Variants in DNAH17 observed in about 807,000 individuals in gnomAD.
The protein encoded by DNAH17 is axonemal beta dynein heavy chain 17.
DNAH17 carries 376 observed loss-of-function variants against 485.6 expected under a neutral mutation model. That is an observed-to-expected ratio of 0.77 (90% confidence interval 0.71 to 0.84). The LOEUF is 0.84. DNAH17 is among the 40% of genes least tolerant of loss of function. DNAH17 has a pLI of 0.00. For missense variants in DNAH17, 6,370 were observed against 5,839.3 expected, an observed-to-expected ratio of 1.09 and a Z score of -2.96; for synonymous variants, 3,031 against 2,405.9, an observed-to-expected ratio of 1.26 and a Z score of -7.60.
At chr17:78,502,400 G>A (rs1472540614) in intron 33 of DNAH17, 191 bp downstream of exon 33, 2 of 514,648 alleles carry the variant, frequency 3.9e-6, no homozygotes, top group East Asian at 6.7e-5. Context: ...TTACTCGTGG[G>A]GAGAGGTGCC....
At chr17:78,446,632 ATT>A (rs869168759) in intron 69 of DNAH17, among the ~76,000 whole-genome samples, 3 of 103,228 alleles carry the variant, frequency 2.9e-5, no homozygotes, top group African/African-American at 2.4e-4. Context: ...TTTTAAATTT[ATT>A]TTATTATTTA....
chr17:78,522,854 CTTTCT>C (rs1469656411), intron 25 of DNAH17: 1 of 155,270 alleles, frequency 6.4e-6, no homozygotes, highest in South Asian at 1.5e-4. Flanking sequence ...TTTCCTTTTT[CTTTCT>C]TTTTTTTTTT....
In DNAH17 at chr17:78,527,002, G is replaced by A. The variant is rs1158071878; in HGVS notation, c.3508-6C>T. On this transcript the variant is annotated splice_region_variant and splice_polypyrimidine_tract_variant and intron_variant, in intron 22 of 80. Transcript: ENST00000389840. The stretch of plus-strand genomic sequence containing the variant: ...GCCCAGTGCTCCGGCAGCTCCTGCG[G>A]GAAGCAAAGGCAGAGGAGGGCTCCT... 1.3e-6 allele frequency: 2 copies of A among 1,562,540 alleles called. No individual in the cohort carries two copies.
intron 25 of DNAH17, among the ~76,000 whole-genome samples, chr17:78,521,360 C>T (rs527341127): frequency 5.9e-5 from 9 of 152,096 alleles, no homozygotes; most frequent in East Asian, 5.8e-4. Flanking sequence ...GAGCCAAGAT[C>T]GCACCACAGC....
At chr17:78,484,739 A>ACCCCCCTCCCCCC in intron 48 of DNAH17, 129 bp downstream of exon 48, 1 of 347,798 alleles carries the variant, frequency 2.9e-6, no homozygotes. Flanking sequence ...ACGTTGCAGC[A>ACCCCCCTCCCCCC]CCCCCCCCAC....
Position 78,423,880 on chromosome 17 carries a change from A to G in DNAH17, c.*26T>C. On this transcript the variant is annotated 3_prime_UTR_variant, in exon 81 of 81. Coordinates refer to ENST00000389840, the MANE Select transcript of DNAH17 (RefSeq NM_173628.4). Reference sequence around the variant, plus strand: ...GCTGAGTTGTGGTCCAGCCCCAGGGAGTGTGGGCTGTGAGGCAGGAGCGAG... The same window carrying G: ...GCTGAGTTGTGGTCCAGCCCCAGGGGGTGTGGGCTGTGAGGCAGGAGCGAG... The G allele has an allele frequency of 6.2e-7, 1 of 1,612,564 alleles. No homozygotes were observed. The highest frequency in any genetic ancestry group is 1.7e-5 in the Admixed American group (1 of 60,006).
At position 78,525,709 on chromosome 17, in the gene DNAH17, G is replaced by C. The variant is rs1354664475; in HGVS notation, c.3712-548C>G. Among the ~76,000 whole-genome samples, 9 of 152,330 alleles carry C rather than the reference G, an allele frequency of 5.9e-5. No individual in the cohort carries two copies. In the East Asian group the frequency reaches 1.4e-3, roughly 23 times the overall value. Reference sequence around the variant, plus strand: ...GGACACGCAGGGACTGCCTGCTCTGGTCACCAGCTGGAGCTCCACAGCTCC... The same window carrying C: ...GGACACGCAGGGACTGCCTGCTCTGCTCACCAGCTGGAGCTCCACAGCTCC... On this transcript the variant is annotated intron_variant, in intron 24 of 80. Coordinates refer to ENST00000389840, the MANE Select transcript of DNAH17 (RefSeq NM_173628.4).
intron 14 of DNAH17, among the ~76,000 whole-genome samples, chr17:78,555,545 A>C (rs73999125): frequency 4.4e-5 from 5 of 113,546 alleles, no homozygotes; most frequent in African/African-American, 1.5e-4. Context: ...TTCCGTCACA[A>C]AAAAAAAAAA....
intron 13 of DNAH17, 58 bp from the exon 14 acceptor site, chr17:78,558,312 T>C: frequency 6.3e-7 from 1 of 1,579,482 alleles, no homozygotes; most frequent in Non-Finnish European, 8.6e-7. Context: ...CAGTGCAGTG[T>C]TCAAGCAACA....
rs4969139 is a variant in DNAH17, at chr17:78,501,018, T to C, written c.5483+166A>G. On this transcript the variant is annotated intron_variant, in intron 35 of 80. Coordinates refer to ENST00000389840, the MANE Select transcript of DNAH17 (RefSeq NM_173628.4). ...TCTCCCAAGGCCACACAGCCGGTGC[T>C]AGAACAAGGACACAGTGGTAGAACT... is the stretch of plus-strand genomic sequence containing the variant. 0.26 allele frequency: 195,547 copies of C among 762,222 alleles called. 26,003 individuals are homozygous for C. Among genetic ancestry groups the C allele is most frequent in the South Asian group, 0.34 (10,938 of 32,124 alleles). The allele number at this position is 762,222 out of a possible 1,614,324, so 47.2% of individuals were successfully genotyped here.
At chr17:78,507,919 T>C in intron 27 of DNAH17, 114 bp from the exon 28 acceptor site, 1 of 1,015,600 alleles carries the variant, frequency 9.8e-7, no homozygotes, top group Non-Finnish European at 1.4e-6. Flanking sequence ...GCAAAAAGGC[T>C]CAAACCAACG....
rs752726384 is a variant in DNAH17 at position 78,525,182 on chromosome 17, G to T, written c.3712-21C>A. On this transcript the variant is annotated intron_variant, in intron 24 of 80. Transcript: ENST00000389840. ...TGTTGCTAGGGGCGGCGAGGGGGCC[G>T]TCAGTAGGGCTACCTACCCTCAGCG... is the stretch of plus-strand genomic sequence containing the variant. The T allele has an allele frequency of 3.1e-6, 5 of 1,608,126 alleles. No individual in the cohort carries two copies. In the South Asian group the frequency reaches 3.3e-5, roughly 11 times the overall value.
intron 16 of DNAH17, among the ~76,000 whole-genome samples, chr17:78,547,900 G>GAGCCACC (rs1465531584): frequency 1.3e-5 from 2 of 152,218 alleles, no homozygotes; most frequent in Admixed American, 6.5e-5. Flanking sequence ...TTACAGGTGT[G>GAGCCACC]AGCCACCATG....
At chr17:78,427,156 C>G (rs749954285) in intron 77 of DNAH17, 48 bp from the exon 78 acceptor site, 23 of 1,543,262 alleles carry the variant, frequency 1.5e-5, no homozygotes, top group Non-Finnish European at 2.0e-5. Context: ...AGAGCCCACC[C>G]CACCCACTGC....
chr17:78,559,996 C>T (rs1473014409), intron 13 of DNAH17, among the ~76,000 whole-genome samples: 2 of 152,206 alleles, frequency 1.3e-5, no homozygotes, highest in African/African-American at 4.8e-5. Flanking sequence ...CTTCTACCGG[C>T]TCTATTGATC....
At chr17:78,481,597 G>A (rs558753453) in intron 48 of DNAH17, among the ~76,000 whole-genome samples, 3 of 152,308 alleles carry the variant, frequency 2.0e-5, no homozygotes, top group African/African-American at 7.2e-5. Flanking sequence ...AATGGGTCAT[G>A]AGGAGGATAA....
intron 18 of DNAH17, among the ~76,000 whole-genome samples, chr17:78,538,513 A>G (rs1435491754): frequency 1.3e-5 from 2 of 152,156 alleles, no homozygotes; most frequent in African/African-American, 2.4e-5. Flanking sequence ...CAATTTGTCT[A>G]TGAGCAGGAG....
chr17:78,508,085 T>C (rs1258969269), intron 27 of DNAH17, among the ~76,000 whole-genome samples: 4 of 151,860 alleles, frequency 2.6e-5, no homozygotes, highest in Non-Finnish European at 5.9e-5. Flanking sequence ...CTAGGCTGAG[T>C]GAAAGAAGCC....
intron 35 of DNAH17, chr17:78,500,874 G>T (rs997910348): frequency 3.8e-6 from 1 of 263,784 alleles, no homozygotes; most frequent in Non-Finnish European, 7.1e-6. Flanking sequence ...GGCAGCCCAG[G>T]TGCCTTTCCC....
Sources: gnomAD v4.1 joint callset for allele counts (sites outside exome capture counted in the v4.1 genomes callset) on GRCh38, gnomAD v4.1.1 for gene constraint, MANE v1.5 for transcripts, NCBI Gene and HGNC (gene_info 2026-07-23, HGNC 2026-07-21) for gene names.